The following TGFBR3 variants were observed in gnomAD, a reference collection of about 807,000 sequenced individuals.
TGFBR3 encodes transforming growth factor beta receptor type 3.
TGFBR3 carries 46 observed loss-of-function variants against 87.9 expected under a neutral mutation model. That is an observed-to-expected ratio of 0.52 (90% CI 0.41 to 0.67). The LOEUF is 0.67. Ranked by LOEUF, TGFBR3 falls within the 30% of genes least tolerant of loss-of-function variation. TGFBR3 has a pLI of 0.00. For missense variants in TGFBR3, 866 were observed against 1,041.9 expected, an observed-to-expected ratio of 0.83 and a Z score of 2.32; for synonymous variants, 381 against 391.6, an observed-to-expected ratio of 0.97 and a Z score of 0.32.
chr1:91,688,145 A>G (rs1642150594), intron 16 of TGFBR3, among the ~76,000 whole-genome samples: 1 of 152,120 alleles, frequency 6.6e-6, no homozygotes, highest in Non-Finnish European at 1.5e-5. Context: ...TGTTGTTAGA[A>G]GTCACGGGGA....
intron 2 of TGFBR3, among the ~76,000 whole-genome samples, chr1:91,854,224 A>T (rs17516329): frequency 0.25 from 38,306 of 152,040 alleles, 5,523 homozygotes; most frequent in Non-Finnish European, 0.32. Flanking sequence ...TGAGCCTAAG[A>T]TGGCCATGAC....
chr1:91,860,707 G>A (rs772815410), intron 2 of TGFBR3, among the ~76,000 whole-genome samples: 5 of 151,950 alleles, frequency 3.3e-5, no homozygotes, highest in East Asian at 1.9e-4. Context: ...CAAGGTAGGC[G>A]GATCACCTGA....
intron 2 of TGFBR3, among the ~76,000 whole-genome samples, chr1:91,844,018 A>G (rs1379387710): frequency 6.6e-6 from 1 of 152,198 alleles, no homozygotes; most frequent in Non-Finnish European, 1.5e-5. Flanking sequence ...GGAAAGCCCA[A>G]CGGCCTGATG....
intron 2 of TGFBR3, among the ~76,000 whole-genome samples, chr1:91,833,639 G>A (rs1181685934): frequency 2.0e-5 from 3 of 151,360 alleles, no homozygotes; most frequent in African/African-American, 4.9e-5. Flanking sequence ...TTGGCTGGGT[G>A]CGGTGGCACA....
intron 6 of TGFBR3, 46 bp from the exon 7 acceptor site, chr1:91,727,852 AG>A (rs1319946555): frequency 6.2e-7 from 1 of 1,609,070 alleles, no homozygotes. Flanking sequence ...CATGCCAGAA[AG>A]TTGCAACTAT....
At chr1:91,738,788 C>T (rs908627884) in intron 4 of TGFBR3, among the ~76,000 whole-genome samples, 1 of 152,232 alleles carries the variant, frequency 6.6e-6, no homozygotes, top group Non-Finnish European at 1.5e-5. Context: ...TGCCTGCCTA[C>T]TCCATTGTTC....
chr1:91,829,247 G>A (rs1456311134), intron 2 of TGFBR3, among the ~76,000 whole-genome samples: 1 of 151,968 alleles, frequency 6.6e-6, no homozygotes, highest in Non-Finnish European at 1.5e-5. Flanking sequence ...GTGGTGGCAC[G>A]CACCTGTAAT....
intron 8 of TGFBR3, among the ~76,000 whole-genome samples, chr1:91,720,533 T>A (rs2100783800): frequency 6.6e-6 from 1 of 152,318 alleles, no homozygotes; most frequent in Non-Finnish European, 1.5e-5. Context: ...CACATGAAAA[T>A]CACTTGGGAG....
At chr1:91,747,222 G>A (rs747914187) in intron 4 of TGFBR3, among the ~76,000 whole-genome samples, 11 of 152,340 alleles carry the variant, frequency 7.2e-5, no homozygotes, top group East Asian at 1.9e-4. Flanking sequence ...GTCATCTCCC[G>A]TTGGTGAGGG....
chr1:91,829,843 G>A (rs1571552245), intron 2 of TGFBR3: 1 of 152,072 alleles, frequency 6.6e-6, no homozygotes, highest in South Asian at 2.1e-4. Flanking sequence ...TCCCACTACT[G>A]ATCAGGATGG....
At chr1:91,740,096 G>C (rs1300284478) in intron 4 of TGFBR3, among the ~76,000 whole-genome samples, 1 of 152,086 alleles carries the variant, frequency 6.6e-6, no homozygotes. Flanking sequence ...TCTTGCTCTT[G>C]TCACCCAGGC....
intron 1 of TGFBR3, among the ~76,000 whole-genome samples, chr1:91,902,421 G>A (rs112762451): frequency 0.011 from 1,679 of 151,722 alleles, 34 homozygotes; most frequent in African/African-American, 0.036. Context: ...GATGACAGAC[G>A]CATACAAACA....
chr1:91,861,231 T>C (rs1477137413), intron 2 of TGFBR3, among the ~76,000 whole-genome samples: 1 of 151,880 alleles, frequency 6.6e-6, no homozygotes, highest in African/African-American at 2.4e-5. Flanking sequence ...GGAAACCCTA[T>C]CTCTACAAAA....
intron 4 of TGFBR3, among the ~76,000 whole-genome samples, chr1:91,741,450 G>C (rs974960147): frequency 6.6e-6 from 1 of 152,254 alleles, no homozygotes; most frequent in East Asian, 1.9e-4. Context: ...CTACCCCACA[G>C]ATCAGGGATT....
At chr1:91,886,983 A>G (rs1184453859), upstream of TGFBR3, among the ~76,000 whole-genome samples, 2 of 152,158 alleles carry the variant, frequency 1.3e-5, no homozygotes, top group African/African-American at 2.4e-5. Context: ...CTGGCACCAG[A>G]ACACCACTCT....
At chr1:91,698,543 C>G (rs4233430) in intron 14 of TGFBR3, among the ~76,000 whole-genome samples, 8 of 132,556 alleles carry the variant, frequency 6.0e-5, no homozygotes, top group Admixed American at 1.6e-4. Context: ...GAGGGTCTCA[C>G]TTTGTTGCTC....
chr1:91,713,428 G>A (rs145943861), intron 12 of TGFBR3, among the ~76,000 whole-genome samples: 58 of 152,300 alleles, frequency 3.8e-4, no homozygotes, highest in African/African-American at 1.3e-3. Context: ...TTGGTGACAC[G>A]TGGATCACTG....
At chr1:91,887,236 C>CTTTTTTTTTTTTTTTTTTT (rs71087977), upstream of TGFBR3, among the ~76,000 whole-genome samples, 38 of 41,414 alleles carry the variant, frequency 9.2e-4, 14 homozygotes, top group Admixed American at 1.3e-3. Context: ...GGACCTATGC[C>CTTTTTTTTTTTTTTTTTTT]TTTTTTTTTT....
intron 2 of TGFBR3, among the ~76,000 whole-genome samples, chr1:91,806,068 CG>C (rs1352333601): frequency 6.6e-6 from 1 of 152,176 alleles, no homozygotes; most frequent in Non-Finnish European, 1.5e-5. Flanking sequence ...TCGGTTCACA[CG>C]TATCACCTTT....
Sources: gnomAD v4.1 joint callset for allele counts (sites outside exome capture counted in the v4.1 genomes callset) on GRCh38, gnomAD v4.1.1 for gene constraint, MANE v1.5 for transcripts, NCBI Gene and HGNC (gene_info 2026-07-23, HGNC 2026-07-21) for gene names.